ERBB4: variants seen among roughly 807,000 people sequenced by gnomAD.
ERBB4 encodes the protein erb-b2 receptor tyrosine kinase 4.
ERBB4 carries 42 observed loss-of-function variants against 158.0 expected under a neutral mutation model. The ratio of observed to expected loss-of-function variants is 0.27; its 90% CI spans 0.21 to 0.34. The LOEUF is 0.34. Among genes scored for constraint, ERBB4 ranks in the 10% least tolerant of loss-of-function variants. ERBB4 has a pLI of 1.00. For missense variants in ERBB4, 1,333 were observed against 1,624.1 expected (o/e 0.82, Z 3.08); for synonymous variants, 583 against 558.7 (o/e 1.04, Z -0.61).
chr2:212,203,059 G>C (rs2082634150), intron 1 of ERBB4, among the ~76,000 whole-genome samples: 1 of 151,864 alleles, frequency 6.6e-6, no homozygotes, highest in Non-Finnish European at 1.5e-5. Flanking sequence ...ATACAAAAGT[G>C]AACGAGTCAG....
At chr2:212,240,056 G>A (rs149491065) in intron 1 of ERBB4, among the ~76,000 whole-genome samples, 1 of 152,266 alleles carries the variant, frequency 6.6e-6, no homozygotes, top group East Asian at 1.9e-4. Context: ...GAGTCATTCT[G>A]AGGTGCTTAT....
At chr2:212,226,188 C>CTAG (rs2083462426) in intron 1 of ERBB4, among the ~76,000 whole-genome samples, 1 of 152,004 alleles carries the variant, frequency 6.6e-6, no homozygotes, top group Non-Finnish European at 1.5e-5. Flanking sequence ...GGAGAGCAAC[C>CTAG]CCAGGCTGTT....
At chr2:212,154,392 C>A (rs1370207736) in intron 1 of ERBB4, among the ~76,000 whole-genome samples, 2 of 151,872 alleles carry the variant, frequency 1.3e-5, no homozygotes, top group Admixed American at 6.6e-5. Flanking sequence ...ATGGCACACA[C>A]ACACTGGGGA....
chr2:212,185,946 T>A (rs2082006504), intron 1 of ERBB4, among the ~76,000 whole-genome samples: 2 of 152,206 alleles, frequency 1.3e-5, no homozygotes. Context: ...GTCTAATGAA[T>A]GTTTAAACAG....
intron 2 of ERBB4, among the ~76,000 whole-genome samples, chr2:212,038,596 T>C (rs1393318388): frequency 6.6e-6 from 1 of 152,136 alleles, no homozygotes; most frequent in Non-Finnish European, 1.5e-5. Flanking sequence ...TCGTTGATTC[T>C]TTTTTTCTCC....
intron 3 of ERBB4, among the ~76,000 whole-genome samples, chr2:211,803,816 T>G (rs1247549505): frequency 6.6e-6 from 1 of 152,152 alleles, no homozygotes; most frequent in Non-Finnish European, 1.5e-5. Flanking sequence ...TGAGATATGC[T>G]CTCATGGAAC....
At chr2:212,304,299 C>A (rs1384445898) in intron 1 of ERBB4, among the ~76,000 whole-genome samples, 2 of 151,520 alleles carry the variant, frequency 1.3e-5, no homozygotes, top group Non-Finnish European at 3.0e-5. Flanking sequence ...CCAATTTCCC[C>A]TGCCATTCCA....
intron 1 of ERBB4, among the ~76,000 whole-genome samples, chr2:212,461,323 A>C (rs367723325): frequency 6.6e-6 from 1 of 152,166 alleles, no homozygotes; most frequent in African/African-American, 2.4e-5. Context: ...ACATGGACAG[A>C]GCTGCCCAAG....
intron 1 of ERBB4, among the ~76,000 whole-genome samples, chr2:212,486,502 A>G (rs1393450594): frequency 1.3e-5 from 2 of 152,202 alleles, no homozygotes; most frequent in African/African-American, 4.8e-5. Flanking sequence ...CTAAGTTTTA[A>G]TTAAGTTTGC....
intron 20 of ERBB4, among the ~76,000 whole-genome samples, chr2:211,506,432 C>G (rs1384359331): frequency 2.0e-5 from 3 of 151,136 alleles, no homozygotes; most frequent in Admixed American, 6.6e-5. Flanking sequence ...TTATAAAACA[C>G]TCTTTCCAAC....
At chr2:211,699,101 T>A (rs976089812) in intron 12 of ERBB4, among the ~76,000 whole-genome samples, 1 of 152,208 alleles carries the variant, frequency 6.6e-6, no homozygotes. Flanking sequence ...AAGGATTGCC[T>A]TTTCATTAAG....
At chr2:212,273,696 T>C (rs2085423439) in intron 1 of ERBB4, among the ~76,000 whole-genome samples, 1 of 151,838 alleles carries the variant, frequency 6.6e-6, no homozygotes, top group Non-Finnish European at 1.5e-5. Context: ...AGTATTATAA[T>C]ACTTCAGGGA....
At chr2:212,348,003 A>G (rs2089087467) in intron 1 of ERBB4, among the ~76,000 whole-genome samples, 1 of 152,066 alleles carries the variant, frequency 6.6e-6, no homozygotes. Flanking sequence ...GGATGGATGG[A>G]GGGGTATTTT....
At chr2:212,185,277 C>T (rs1292917105) in intron 1 of ERBB4, among the ~76,000 whole-genome samples, 1 of 151,742 alleles carries the variant, frequency 6.6e-6, no homozygotes, top group African/African-American at 2.4e-5. Context: ...TGGAATTGGC[C>T]TCCCAAAATG....
intron 19 of ERBB4, among the ~76,000 whole-genome samples, chr2:211,576,342 T>C (rs2067892961): frequency 6.6e-6 from 1 of 152,314 alleles, no homozygotes; most frequent in Non-Finnish European, 1.5e-5. Flanking sequence ...GGGCATCCAA[T>C]TCTGGTCCAG....
At chr2:212,111,422 G>A (rs1481171827) in intron 2 of ERBB4, among the ~76,000 whole-genome samples, 1 of 152,150 alleles carries the variant, frequency 6.6e-6, no homozygotes, top group African/African-American at 2.4e-5. Flanking sequence ...AAGCTGACAA[G>A]TCTTAAAGGC....
chr2:211,763,054 GGT>G (rs10639302), intron 4 of ERBB4, among the ~76,000 whole-genome samples: 3 of 151,350 alleles, frequency 2.0e-5, no homozygotes, highest in Admixed American at 6.6e-5. Context: ...GTGTGTGTGT[GGT>G]GTGTGTGTGT....
chr2:211,919,796 G>A (rs928508956), intron 3 of ERBB4, among the ~76,000 whole-genome samples: 10 of 152,068 alleles, frequency 6.6e-5, no homozygotes, highest in East Asian at 1.9e-4. Context: ...GAATAGGGCC[G>A]AGGCAGGCAA....
chr2:211,505,976 A>AAAAAAG (rs71047180), intron 20 of ERBB4, among the ~76,000 whole-genome samples: 2 of 150,748 alleles, frequency 1.3e-5, no homozygotes, highest in African/African-American at 4.9e-5. Context: ...AAAAAAAAAA[A>AAAAAAG]GTTATAGACA....
Sources: allele counts gnomAD v4.1 joint callset (sites outside exome capture counted in the v4.1 genomes callset), GRCh38; gene constraint gnomAD v4.1.1; transcripts MANE v1.5; gene names NCBI Gene and HGNC (gene_info 2026-07-23, HGNC 2026-07-21).